MIPEP: variants seen among roughly 807,000 people sequenced by gnomAD.
MIPEP encodes the protein mitochondrial intermediate peptidase.
Under a neutral mutation model 90.3 loss-of-function variants are expected in MIPEP, and 79 were observed. The observed-to-expected ratio is 0.87, with a 90% CI of 0.73 to 1.05. The LOEUF (loss-of-function observed/expected upper bound fraction) is 1.05. MIPEP is among the 50% of genes least tolerant of loss of function. MIPEP has a pLI of 0.00. For missense variants in MIPEP, 940 were observed against 905.6 expected (o/e 1.04, Z -0.49); for synonymous variants, 334 against 315.8 (o/e 1.06, Z -0.61).
chr13:23,857,039 A>G (rs928654830), intron 10 of MIPEP, among the ~76,000 whole-genome samples: 1 of 152,050 alleles, frequency 6.6e-6, no homozygotes, highest in Non-Finnish European at 1.5e-5. Flanking sequence ...TTACTCTCCA[A>G]TGTCAAAAAT....
chr13:23,860,951 T>C (rs1424055940), intron 9 of MIPEP, among the ~76,000 whole-genome samples: 1 of 151,198 alleles, frequency 6.6e-6, no homozygotes, highest in African/African-American at 2.4e-5. Flanking sequence ...GGGAGGGGAG[T>C]GTGCAGTGCC....
At chr13:23,831,383 C>CGGGGGGAGGG (rs1555237541) in intron 14 of MIPEP, among the ~76,000 whole-genome samples, 1 of 40,852 alleles carries the variant, frequency 2.4e-5, no homozygotes, top group Non-Finnish European at 5.9e-5. Context: ...TTCCCCATGG[C>CGGGGGGAGGG]GGGGGGGGGA....
intron 4 of MIPEP, 152 bp from the exon 5 acceptor site, chr13:23,875,061 C>CACACACACAA: frequency 2.1e-6 from 1 of 478,266 alleles, no homozygotes; most frequent in Non-Finnish European, 3.6e-6. Context: ...CACACACACA[C>CACACACACAA]ACTTTGTTTT....
At chr13:23,862,437 T>C in intron 8 of MIPEP, 75 bp from the exon 9 acceptor site, 1 of 811,508 alleles carries the variant, frequency 1.2e-6, no homozygotes, top group Non-Finnish European at 2.0e-6. Flanking sequence ...AGTTTGCTTA[T>C]GTTACATTCC....
chr13:23,884,820 T>A (rs1242698495), intron 2 of MIPEP, among the ~76,000 whole-genome samples: 1 of 152,230 alleles, frequency 6.6e-6, no homozygotes, highest in Non-Finnish European at 1.5e-5. Flanking sequence ...GTGCTCAACA[T>A]TGACTGAATG....
chr13:23,819,238 C>T (rs1470260986), intron 14 of MIPEP, among the ~76,000 whole-genome samples: 2 of 152,246 alleles, frequency 1.3e-5, no homozygotes, highest in African/African-American at 4.8e-5. Context: ...CTAAATGCCA[C>T]ACAATCAAAC....
chr13:23,811,307 G>A (rs974440894), intron 14 of MIPEP, among the ~76,000 whole-genome samples: 1 of 152,202 alleles, frequency 6.6e-6, no homozygotes, highest in Non-Finnish European at 1.5e-5. Context: ...TTGCAGAATT[G>A]TAAGTAATAA....
chr13:23,743,955 T>C (rs890347044), intron 18 of MIPEP, among the ~76,000 whole-genome samples: 8 of 152,250 alleles, frequency 5.3e-5, no homozygotes, highest in Admixed American at 3.9e-4. Context: ...AGGGATTCTA[T>C]TTACTTGGCT....
At chr13:23,785,967 C>T (rs1183596362) in intron 16 of MIPEP, among the ~76,000 whole-genome samples, 1 of 152,174 alleles carries the variant, frequency 6.6e-6, no homozygotes, top group East Asian at 1.9e-4. Flanking sequence ...GTCTGTAATC[C>T]TAGCACTTTG....
At position 23,773,682 on chromosome 13, in the gene MIPEP, T is replaced by C. The variant is rs147395454; in HGVS notation, c.1849-13465A>G. Among the ~76,000 whole-genome samples, 770 of 152,336 alleles carry C rather than the reference T, an allele frequency of 5.1e-3. 8 individuals are homozygous for C. The highest frequency in any genetic ancestry group is 0.018 in the African/African-American group (728 of 41,566). On this transcript the variant is annotated intron_variant, in intron 16 of 18. Transcript: ENST00000382172. ...CAGTGGGAATGAAGTAGTCTCGCAC[T>C]GTGGTTTTGATTTGCATATCCCTAA...
chr13:23,841,219 G>T, intron 11 of MIPEP, 116 bp downstream of exon 11: 1 of 816,718 alleles, frequency 1.2e-6, no homozygotes, highest in Non-Finnish European at 1.9e-6. Flanking sequence ...GCAGAAATAA[G>T]GCAGGGGACA....
intron 14 of MIPEP, among the ~76,000 whole-genome samples, chr13:23,819,411 G>A (rs1360171158): frequency 6.6e-6 from 1 of 152,088 alleles, no homozygotes; most frequent in Non-Finnish European, 1.5e-5. Flanking sequence ...CTGGTGTTCT[G>A]TTTCCTTGTT....
intron 16 of MIPEP, among the ~76,000 whole-genome samples, chr13:23,767,674 G>T (rs1313757663): frequency 6.6e-6 from 1 of 152,056 alleles, no homozygotes; most frequent in African/African-American, 2.4e-5. Context: ...GGCTGGTCTT[G>T]AACTCCTGAC....
chr13:23,774,784 C>CA (rs1487438432), intron 16 of MIPEP, among the ~76,000 whole-genome samples: 11 of 68,294 alleles, frequency 1.6e-4, no homozygotes, highest in Non-Finnish European at 2.8e-4. Context: ...TTTATCAGTT[C>CA]TTTTTTTTTT....
intron 2 of MIPEP, among the ~76,000 whole-genome samples, chr13:23,885,871 T>C (rs1766888334): frequency 6.7e-6 from 1 of 148,454 alleles, no homozygotes; most frequent in Non-Finnish European, 1.5e-5. Flanking sequence ...GGCTAGGAGT[T>C]CAAGATCAGC....
chr13:23,862,442 C>A, intron 8 of MIPEP, 80 bp from the exon 9 acceptor site: 1 of 772,016 alleles, frequency 1.3e-6, no homozygotes. Flanking sequence ...GCTTATGTTA[C>A]ATTCCAATAT....
At chr13:23,838,766 A>G (rs1447240025) in intron 12 of MIPEP, among the ~76,000 whole-genome samples, 1 of 152,170 alleles carries the variant, frequency 6.6e-6, no homozygotes, top group Non-Finnish European at 1.5e-5. Context: ...CACCCATTTA[A>G]GCAAAGAGGA....
At chr13:23,838,546 G>A (rs892121695) in intron 12 of MIPEP, among the ~76,000 whole-genome samples, 2 of 152,286 alleles carry the variant, frequency 1.3e-5, no homozygotes, top group South Asian at 4.1e-4. Context: ...GCACTACACT[G>A]AGACTCACAT....
chr13:23,803,381 AC>A (rs1953069728), intron 16 of MIPEP, among the ~76,000 whole-genome samples: 1 of 152,086 alleles, frequency 6.6e-6, no homozygotes, highest in African/African-American at 2.4e-5. Flanking sequence ...AACAACAACA[AC>A]AACAACAAAA....
Sources: allele counts gnomAD v4.1 joint callset (sites outside exome capture counted in the v4.1 genomes callset), GRCh38; gene constraint gnomAD v4.1.1; transcripts MANE v1.5; gene names NCBI Gene and HGNC (gene_info 2026-07-23, HGNC 2026-07-21).